TBC1D12: variants seen among roughly 807,000 people sequenced by gnomAD.
The protein encoded by TBC1D12 is TBC1 domain family member 12.
A neutral mutation model predicts 86.7 loss-of-function variants in TBC1D12; 56 were observed. The observed-to-expected ratio is 0.65, with a 90% CI of 0.52 to 0.81. TBC1D12 has a LOEUF of 0.81. TBC1D12 is among the 30% of genes least tolerant of loss of function. TBC1D12 has a pLI of 0.00. For missense variants in TBC1D12, 1,023 were observed against 1,038.8 expected (o/e 0.98, Z 0.21); for synonymous variants, 421 against 411.7 (o/e 1.02, Z -0.27).
intron 9 of TBC1D12, among the ~76,000 whole-genome samples, chr10:94,515,370 G>A (rs1241445471): frequency 2.0e-5 from 3 of 150,874 alleles, no homozygotes; most frequent in South Asian, 2.1e-4. Context: ...TTTTTGAGAC[G>A]GGGTTTCGCT....
intron 2 of TBC1D12, among the ~76,000 whole-genome samples, chr10:94,444,191 T>G (rs1319795974): frequency 6.6e-6 from 1 of 150,392 alleles, no homozygotes; most frequent in Non-Finnish European, 1.5e-5. Context: ...AAAAAAAGAA[T>G]GAAAGAAAAC....
At chr10:94,410,887 AT>A (rs1451171048) in intron 1 of TBC1D12, among the ~76,000 whole-genome samples, 1 of 152,146 alleles carries the variant, frequency 6.6e-6, no homozygotes, top group East Asian at 1.9e-4. Flanking sequence ...AAATTGGGAG[AT>A]TCAGAGTCCC....
Position 94,403,342 on chromosome 10 carries a change from C to G in TBC1D12, c.729C>G (p.Pro243=), listed in dbSNP as rs916224461. Residue 243 remains proline (P), a synonymous_variant, in exon 1 of 13, where the codon CCC becomes CCG. Coordinates refer to ENST00000225235, the MANE Select transcript of TBC1D12 (RefSeq NM_015188.2). ...AGCGGGGAGTCGGCGCCGGGGGTCCCGAGGAGGGCGCGCCCCCTGCCACCT... is the reference window on the plus strand; with the variant it reads ...AGCGGGGAGTCGGCGCCGGGGGTCCGGAGGAGGGCGCGCCCCCTGCCACCT... ...SEQRGVGAGG[P]EEGAPPATSA... 3 of 1,522,572 alleles carry G rather than the reference C, an allele frequency of 2.0e-6. No homozygotes were observed. The highest frequency in any genetic ancestry group is 2.6e-6 in the Non-Finnish European group (3 of 1,135,862). The allele number at this position is 1,522,572 out of a possible 1,614,324, so 94.3% of individuals were successfully genotyped here.
At chr10:94,489,838 T>A (rs1010925814) in intron 3 of TBC1D12, among the ~76,000 whole-genome samples, 5 of 152,216 alleles carry the variant, frequency 3.3e-5, no homozygotes, top group African/African-American at 1.2e-4. Context: ...CACACAAATT[T>A]GCCATCTTAT....
chr10:94,445,343 G>C (rs1407246921), intron 2 of TBC1D12, among the ~76,000 whole-genome samples: 1 of 151,962 alleles, frequency 6.6e-6, no homozygotes, highest in African/African-American at 2.4e-5. Context: ...TGGCAAAAGA[G>C]CGAGAATACG....
intron 1 of TBC1D12, among the ~76,000 whole-genome samples, chr10:94,414,918 A>G (rs971362961): frequency 2.0e-5 from 3 of 152,146 alleles, no homozygotes; most frequent in African/African-American, 7.2e-5. Context: ...GTACATATAA[A>G]GTTTAATTTA....
In TBC1D12 at chr10:94,507,337, T is replaced by C; in HGVS notation, c.1590T>C (p.Asn530=). The change falls in exon 7 of 13, where the codon AAT becomes AAC. Residue 530 remains asparagine (N), a synonymous_variant. Transcript: ENST00000225235. Reference sequence around the variant, plus strand: ...GTTTCAGTGAAACAAGTTCAGAGAATGATACAGAAGGTGTGATTTCTTTTT... The same window carrying C: ...GTTTCAGTGAAACAAGTTCAGAGAACGATACAGAAGGTGTGATTTCTTTTT... ...WKSFSETSSE[N]DTEGVSVADR... 1 of 1,605,618 alleles carries C rather than the reference T, an allele frequency of 6.2e-7. No homozygotes were observed. Among genetic ancestry groups the C allele is most frequent in the Non-Finnish European group, 8.5e-7 (1 of 1,178,310 alleles).
intron 2 of TBC1D12, among the ~76,000 whole-genome samples, chr10:94,451,981 G>A (rs971192542): frequency 6.6e-6 from 1 of 151,472 alleles, no homozygotes; most frequent in Non-Finnish European, 1.5e-5. Flanking sequence ...TTGCATTCCA[G>A]GAATAAACTA....
chr10:94,470,465 G>A (rs2055887236), intron 2 of TBC1D12, among the ~76,000 whole-genome samples: 2 of 151,968 alleles, frequency 1.3e-5, no homozygotes, highest in Admixed American at 1.3e-4. Flanking sequence ...CCTGGCTCAA[G>A]TGATCTCCCA....
intron 1 of TBC1D12, among the ~76,000 whole-genome samples, chr10:94,416,949 G>A (rs2055007155): frequency 6.6e-6 from 1 of 152,198 alleles, no homozygotes; most frequent in Admixed American, 6.5e-5. Context: ...CCTCTAGGGT[G>A]CATGAGGTAT....
chr10:94,488,727 C>G (rs2056205324), intron 3 of TBC1D12, among the ~76,000 whole-genome samples: 1 of 151,820 alleles, frequency 6.6e-6, no homozygotes, highest in East Asian at 2.0e-4. Flanking sequence ...ATGAATCCTG[C>G]CAGGGCTGGA....
chr10:94,435,508 C>G (rs1194958729), intron 1 of TBC1D12, among the ~76,000 whole-genome samples: 3 of 152,024 alleles, frequency 2.0e-5, no homozygotes, highest in African/African-American at 7.2e-5. Flanking sequence ...TTTGTTTTCC[C>G]TCTTTCTGCA....
chr10:94,413,450 A>G (rs2054954345), intron 1 of TBC1D12, among the ~76,000 whole-genome samples: 1 of 151,954 alleles, frequency 6.6e-6, no homozygotes, highest in Non-Finnish European at 1.5e-5. Context: ...TTCTGCTGCT[A>G]TTTGTAATTC....
intron 1 of TBC1D12, among the ~76,000 whole-genome samples, chr10:94,409,488 C>T (rs1444454718): frequency 6.7e-6 from 1 of 150,330 alleles, no homozygotes; most frequent in Non-Finnish European, 1.5e-5. Flanking sequence ...CCTTTCAGCT[C>T]AGCCTCCCAA....
At chr10:94,447,327 T>G (rs539722221) in intron 2 of TBC1D12, among the ~76,000 whole-genome samples, 24 of 152,252 alleles carry the variant, frequency 1.6e-4, no homozygotes, top group African/African-American at 5.5e-4. Context: ...TGTGTATATA[T>G]ATACACACAC....
intron 10 of TBC1D12, 22 bp downstream of exon 10, chr10:94,522,105 C>T (rs1255141003): frequency 6.2e-7 from 1 of 1,601,352 alleles, no homozygotes; most frequent in Non-Finnish European, 8.5e-7. Context: ...TCATGTTTTC[C>T]ATTGTTTCTG....
chr10:94,474,399 C>A (rs1432696109), intron 2 of TBC1D12, among the ~76,000 whole-genome samples: 1 of 151,822 alleles, frequency 6.6e-6, no homozygotes, highest in African/African-American at 2.4e-5. Context: ...TTGACCCTTG[C>A]CCAGGCTGGT....
chr10:94,462,621 G>A (rs1457746106), intron 2 of TBC1D12, among the ~76,000 whole-genome samples: 1 of 152,084 alleles, frequency 6.6e-6, no homozygotes, highest in Non-Finnish European at 1.5e-5. Flanking sequence ...TTCTTCTTGA[G>A]TCAGTTTTGG....
At chr10:94,520,804 C>G (rs1842130119) in intron 9 of TBC1D12, among the ~76,000 whole-genome samples, 1 of 151,834 alleles carries the variant, frequency 6.6e-6, no homozygotes, top group Non-Finnish European at 1.5e-5. Context: ...GGACTACAGG[C>G]ACCTGCCACC....
Sources: allele counts gnomAD v4.1 joint callset (sites outside exome capture counted in the v4.1 genomes callset), GRCh38; gene constraint gnomAD v4.1.1; transcripts MANE v1.5; gene names NCBI Gene and HGNC (gene_info 2026-07-23, HGNC 2026-07-21).